Variants in TUSC3 observed in about 807,000 individuals in gnomAD.
TUSC3 encodes the protein tumor suppressor candidate 3, also known as dolichyl-diphosphooligosaccharide--protein glycosyltransferase subunit TUSC3.
In TUSC3, 45 loss-of-function variants were observed where a neutral mutation model predicts 44.8. The observed-to-expected ratio is 1.00, with a 90% CI of 0.79 to 1.29. TUSC3 has a LOEUF of 1.29. TUSC3 is among the 50% of genes most tolerant of loss of function. TUSC3 has a pLI of 0.00. For synonymous variants in TUSC3, 212 were observed against 152.9 expected (o/e 1.39, Z -2.85); for missense variants, 519 against 437.9 (o/e 1.19, Z -1.65).
At chr8:15,507,097 A>C (rs911041485) in intron 2 of TUSC3, among the ~76,000 whole-genome samples, 12 of 152,104 alleles carry the variant, frequency 7.9e-5, no homozygotes, top group East Asian at 1.9e-4. Context: ...TCTCCAATTA[A>C]CTTGCCTTCT....
At chr8:15,541,788 A>G (rs7014459) in intron 1 of TUSC3, among the ~76,000 whole-genome samples, 35,349 of 145,866 alleles carry the variant, frequency 0.24, 4,256 homozygotes, top group East Asian at 0.35. Flanking sequence ...ATATTCCAAG[A>G]GTTTTAGATT....
chr8:15,794,285 C>T, the TUSC3 span, among the ~76,000 whole-genome samples: 3 of 152,062 alleles, frequency 2.0e-5, no homozygotes, highest in Non-Finnish European at 4.4e-5. Context: ...AGTCTTTCCA[C>T]AATAACACAG....
the TUSC3 span, among the ~76,000 whole-genome samples, chr8:15,834,077 T>G: frequency 6.6e-6 from 1 of 152,140 alleles, no homozygotes; most frequent in Non-Finnish European, 1.5e-5. Context: ...GGTTTTATAT[T>G]TTTCTTATAG....
At chr8:15,735,273 G>A (rs1338411466) in intron 7 of TUSC3, among the ~76,000 whole-genome samples, 1 of 142,322 alleles carries the variant, frequency 7.0e-6, no homozygotes, top group Admixed American at 7.2e-5. Context: ...CTCAGCTGCT[G>A]TTTTAGAGGA....
At chr8:15,689,202 C>A in intron 6 of TUSC3, 1 of 365,454 alleles carries the variant, frequency 2.7e-6, no homozygotes, top group Non-Finnish European at 5.4e-6. Flanking sequence ...GGCTGCTAAG[C>A]ATTCCATTTT....
intron 2 of TUSC3, among the ~76,000 whole-genome samples, chr8:15,491,053 A>T (rs1007939590): frequency 6.6e-6 from 1 of 152,208 alleles, no homozygotes. Context: ...CTGAACACAC[A>T]TTTTACATAT....
chr8:15,761,329 A>T (rs1341532152), intron 10 of TUSC3, among the ~76,000 whole-genome samples: 1 of 152,160 alleles, frequency 6.6e-6, no homozygotes, highest in African/African-American at 2.4e-5. Context: ...TTCTTTGTGT[A>T]AACAGTCTCT....
intron 1 of TUSC3, among the ~76,000 whole-genome samples, 185 bp from the exon 2 acceptor site, chr8:15,622,895 A>G (rs941420472): frequency 6.6e-6 from 1 of 152,148 alleles, no homozygotes; most frequent in Non-Finnish European, 1.5e-5. Context: ...GCCAAGAGAA[A>G]ACCCAACATT....
In TUSC3 at chr8:15,672,935, C is replaced by A. The variant is rs145907602; in HGVS notation, c.709-812C>A. On this transcript the variant is annotated intron_variant, in intron 5 of 10. Transcript: ENST00000503731. ...GAAGCTGAAGTAAGGAGTGATTGGG[C>A]AAGTTATAGGATAGCAGGAAGTACA... 2.7e-3 allele frequency among the ~76,000 whole-genome samples: 405 copies of A among 152,106 alleles called. 2 individuals are homozygous for A. The highest frequency in any genetic ancestry group is 9.4e-3 in the African/African-American group (390 of 41,522).
intron 1 of TUSC3, among the ~76,000 whole-genome samples, chr8:15,571,427 T>G (rs968256830): frequency 6.6e-6 from 1 of 152,180 alleles, no homozygotes; most frequent in African/African-American, 2.4e-5. Context: ...TGTATTGTTG[T>G]CTATTAAATG....
chr8:15,684,121 A>G (rs1460583706), intron 6 of TUSC3, among the ~76,000 whole-genome samples: 1 of 152,070 alleles, frequency 6.6e-6, no homozygotes, highest in Non-Finnish European at 1.5e-5. Context: ...GGCGGGGGCC[A>G]TATATGACTG....
At chr8:15,577,570 A>T (rs1399015242) in intron 1 of TUSC3, among the ~76,000 whole-genome samples, 2 of 148,768 alleles carry the variant, frequency 1.3e-5, no homozygotes, top group East Asian at 4.0e-4. Flanking sequence ...TTAAATAGGG[A>T]ATCCTTTCCC....
chr8:15,455,953 C>T (rs553674163), intron 1 of TUSC3, among the ~76,000 whole-genome samples: 9 of 152,276 alleles, frequency 5.9e-5, no homozygotes, highest in African/African-American at 2.2e-4. Context: ...TAACACTGAC[C>T]TTCTGAAAGA....
intron 1 of TUSC3, among the ~76,000 whole-genome samples, chr8:15,568,882 T>A (rs766276889): frequency 3.3e-5 from 5 of 152,146 alleles, no homozygotes; most frequent in Non-Finnish European, 5.9e-5. Flanking sequence ...TCATTTATTT[T>A]TTTTTCCTCA....
At chr8:15,802,259 A>T in the TUSC3 span, among the ~76,000 whole-genome samples, 1 of 152,186 alleles carries the variant, frequency 6.6e-6, no homozygotes, top group Non-Finnish European at 1.5e-5. Context: ...AAGAGCCCTA[A>T]ATAATTATCA....
chr8:15,567,477 A>T (rs1209589001), intron 1 of TUSC3, among the ~76,000 whole-genome samples: 1 of 152,200 alleles, frequency 6.6e-6, no homozygotes, highest in African/African-American at 2.4e-5. Flanking sequence ...AGTAGCAAAC[A>T]TTTTCACATA....
At chr8:15,716,125 A>G (rs899112401) in intron 6 of TUSC3, among the ~76,000 whole-genome samples, 15 of 151,994 alleles carry the variant, frequency 9.9e-5, no homozygotes, top group African/African-American at 3.6e-4. Flanking sequence ...GCATGATGGT[A>G]CACATCTGTA....
At chr8:15,797,427 C>T in the TUSC3 span, among the ~76,000 whole-genome samples, 3 of 152,052 alleles carry the variant, frequency 2.0e-5, no homozygotes, top group Non-Finnish European at 2.9e-5. Context: ...ACTGTGAATC[C>T]ACCCACATGG....
At chr8:15,426,491 A>G (rs79271484) in intron 1 of TUSC3, among the ~76,000 whole-genome samples, 4 of 152,196 alleles carry the variant, frequency 2.6e-5, no homozygotes, top group East Asian at 1.9e-4. Context: ...GTGGAAGTCT[A>G]CTATATTTGT....
Sources: allele counts gnomAD v4.1 joint callset (sites outside exome capture counted in the v4.1 genomes callset), GRCh38; gene constraint gnomAD v4.1.1; transcripts MANE v1.5; gene names NCBI Gene and HGNC (gene_info 2026-07-23, HGNC 2026-07-21).